Variants in CHD7 observed in about 807,000 individuals in gnomAD.
CHD7 encodes chromodomain helicase DNA binding protein 7, also known as ATP-dependent chromatin remodeler CHD7.
CHD7 carries 24 observed loss-of-function variants against 307.3 expected under a neutral mutation model. The ratio of observed to expected loss-of-function variants is 0.08; its 90% CI spans 0.06 to 0.11. The LOEUF (loss-of-function observed/expected upper bound fraction) is 0.11. Ranked by LOEUF, CHD7 falls within the 10% of genes least tolerant of loss-of-function variation. The pLI is 1.00. For missense variants in CHD7, 3,106 were observed against 3,727.1 expected, an observed-to-expected ratio of 0.83 and a Z score of 4.34; for synonymous variants, 1,363 against 1,349.9, an observed-to-expected ratio of 1.01 and a Z score of -0.21.
Position 60,865,231 on chromosome 8 carries a change from C to T in CHD7, c.8292C>T (p.Leu2764=). ...DLTSLQNLQN[L]QSLQLAGLMG... ...CGAGCCTTCAGAATCTCCAGAATCTCCAGTCGCTCCAGCTGGCAGGCCTCA... is the reference window on the plus strand; with the variant it reads ...CGAGCCTTCAGAATCTCCAGAATCTTCAGTCGCTCCAGCTGGCAGGCCTCA... The change falls in exon 38 of 38, where the codon CTC becomes CTT. Residue 2764 remains leucine, a synonymous_variant. Coordinates refer to ENST00000423902, the MANE Select transcript of CHD7 (RefSeq NM_017780.4). The surrounding 1 kb of genome is among the most constrained non-coding windows in gnomAD (Gnocchi z 4.3). 6.2e-7 allele frequency: 1 copy of T among 1,608,418 alleles called. No individual in the cohort carries two copies. Among genetic ancestry groups the T allele is most frequent in the Non-Finnish European group, 8.5e-7 (1 of 1,177,466 alleles).
At chr8:60,697,820 A>T (rs1366626823) in intron 1 of CHD7, among the ~76,000 whole-genome samples, 1 of 152,240 alleles carries the variant, frequency 6.6e-6, no homozygotes. Flanking sequence ...AGCTATGTAT[A>T]TCACTTTAAT....
chr8:60,697,134 A>G (rs1220711624), intron 1 of CHD7, among the ~76,000 whole-genome samples: 3 of 152,182 alleles, frequency 2.0e-5, no homozygotes, highest in Admixed American at 2.0e-4. Flanking sequence ...GATATTTGGG[A>G]GGTGGAAGAG....
intron 1 of CHD7, among the ~76,000 whole-genome samples, chr8:60,738,288 T>C (rs1461774857): frequency 6.6e-6 from 1 of 152,238 alleles, no homozygotes; most frequent in Non-Finnish European, 1.5e-5. Context: ...TTATATTGAT[T>C]ACCTGTTGAA....
chr8:60,850,126 C>T (rs927434310), intron 25 of CHD7, among the ~76,000 whole-genome samples: 4 of 152,188 alleles, frequency 2.6e-5, no homozygotes, highest in Non-Finnish European at 5.9e-5. Context: ...GGGGTGGACT[C>T]AGTGCACCCC....
At chr8:60,758,366 C>G (rs547759621) in intron 2 of CHD7, among the ~76,000 whole-genome samples, 1 of 152,100 alleles carries the variant, frequency 6.6e-6, no homozygotes, top group African/African-American at 2.4e-5. Flanking sequence ...TCAACTGATC[C>G]GCACCCCTTG....
At chr8:60,860,177 A>T (rs1369061480) in intron 34 of CHD7, among the ~76,000 whole-genome samples, 1 of 152,220 alleles carries the variant, frequency 6.6e-6, no homozygotes, top group African/African-American at 2.4e-5. Context: ...TTGTGCACAG[A>T]GTGCCCATAA....
chr8:60,698,310 CAGTT>C (rs1447053432), intron 1 of CHD7, among the ~76,000 whole-genome samples: 2 of 152,170 alleles, frequency 1.3e-5, no homozygotes, highest in African/African-American at 2.4e-5. Context: ...ATTTTTGCGT[CAGTT>C]AGGGTGAGGC....
At chr8:60,692,702 C>T (rs1806259856) in intron 1 of CHD7, among the ~76,000 whole-genome samples, 1 of 152,178 alleles carries the variant, frequency 6.6e-6, no homozygotes. Flanking sequence ...TACTGACCAC[C>T]CCTCTTCCTG....
intron 1 of CHD7, among the ~76,000 whole-genome samples, chr8:60,731,880 G>T (rs1808472100): frequency 1.3e-5 from 2 of 152,168 alleles, no homozygotes. Flanking sequence ...TATAATTCCT[G>T]TGTATTTCTT....
At chr8:60,814,685 G>C (rs1237118435) in intron 7 of CHD7, among the ~76,000 whole-genome samples, 1 of 152,194 alleles carries the variant, frequency 6.6e-6, no homozygotes, top group Non-Finnish European at 1.5e-5. Context: ...GGCCTCAGGT[G>C]ATCTGCCTGC....
intron 1 of CHD7, among the ~76,000 whole-genome samples, chr8:60,720,651 A>G (rs1353512004): frequency 6.6e-6 from 1 of 152,150 alleles, no homozygotes; most frequent in African/African-American, 2.4e-5. Flanking sequence ...CCGTTCTGGT[A>G]GAGAGAGAGT....
At chr8:60,682,809 A>G (rs1805697186) in intron 1 of CHD7, among the ~76,000 whole-genome samples, 1 of 152,252 alleles carries the variant, frequency 6.6e-6, no homozygotes, top group Non-Finnish European at 1.5e-5. Context: ...TGGCCATCTT[A>G]GAAACATCGA....
At position 60,742,965 on chromosome 8, in the gene CHD7, G is replaced by A; in HGVS notation, c.1533G>A (p.Leu511=). 1 of 1,613,424 alleles carries A rather than the reference G, an allele frequency of 6.2e-7. No individual in the cohort carries two copies. Among genetic ancestry groups the A allele is most frequent in the Non-Finnish European group, 8.5e-7 (1 of 1,179,632 alleles). Residue 511 remains leucine (L), a synonymous_variant, in exon 2 of 38, where the codon TTG becomes TTA. Coordinates refer to ENST00000423902, the MANE Select transcript of CHD7 (RefSeq NM_017780.4). The stretch of plus-strand genomic sequence containing the variant: ...GTCAACAGCCATCTTTTCAGCAGTT[G>A]CCAACCTGTCCTCCACTGCAGCCTC... ...HPGQQPSFQQ[L]PTCPPLQPHP... is the part of the protein sequence containing the mutation.
Position 60,687,493 on chromosome 8 carries a change from A to T in CHD7, c.-175+8411A>T, listed in dbSNP as rs563944995. 2.0e-5 allele frequency among the ~76,000 whole-genome samples: 3 copies of T among 152,340 alleles called. No homozygotes were observed. In the East Asian group the frequency reaches 5.8e-4, roughly 29 times the overall value. On this transcript the variant is annotated intron_variant, in intron 1 of 37. Transcript: ENST00000423902. The stretch of plus-strand genomic sequence containing the variant: ...TTGTGCTTGAAATTTTGCTTTCATT[A>T]ATCTCAAGTGTACCGATCTTGCAAG...
At chr8:60,749,453 A>G (rs1371457467) in intron 2 of CHD7, among the ~76,000 whole-genome samples, 2 of 151,924 alleles carry the variant, frequency 1.3e-5, no homozygotes, top group Non-Finnish European at 2.9e-5. Context: ...TTTATGGAAA[A>G]AGGTGGCTGT....
At chr8:60,791,620 A>G (rs1050490253) in intron 3 of CHD7, among the ~76,000 whole-genome samples, 97 of 152,184 alleles carry the variant, frequency 6.4e-4, no homozygotes, top group African/African-American at 2.1e-3. Context: ...GATATAAATG[A>G]TAACTATGCA....
chr8:60,794,948 T>G (rs1811945827), intron 3 of CHD7, 38 bp from the exon 4 acceptor site: 1 of 1,589,220 alleles, frequency 6.3e-7, no homozygotes, highest in Non-Finnish European at 8.6e-7. Context: ...CAGAAACACA[T>G]TAAAAGTGAA....
chr8:60,742,122 A>G lies in CHD7; in HGVS notation c.690A>G (p.Ser230=), dbSNP rs926628835. The G allele has an allele frequency of 3.7e-6, 6 of 1,613,872 alleles. No homozygotes were observed. Among genetic ancestry groups the G allele is most frequent in the East Asian group, 4.5e-5 (2 of 44,876 alleles). The change falls in exon 2 of 38, where the codon TCA becomes TCG. Residue 230 remains serine (S), a synonymous_variant. Transcript: ENST00000423902. The stretch of plus-strand genomic sequence containing the variant: ...AGGGAAATCCTTTTATTGCCACCTC[A>G]GGACCTGGCCACTTGTCCCACGTGC... ...LNQGNPFIAT[S]GPGHLSHVPQ... is the part of the protein sequence containing the mutation.
intron 31 of CHD7, among the ~76,000 whole-genome samples, 173 bp from the exon 32 acceptor site, chr8:60,854,190 G>GTTAA (rs764623278): frequency 6.6e-6 from 1 of 152,202 alleles, no homozygotes; most frequent in African/African-American, 2.4e-5. Flanking sequence ...CACCATCTAT[G>GTTAA]TTAAAGGGCT....
Sources: gnomAD v4.1 joint callset for allele counts (sites outside exome capture counted in the v4.1 genomes callset) on GRCh38, gnomAD v4.1.1 for gene constraint, Gnocchi (gnomAD v3.1) non-coding constraint, MANE v1.5 for transcripts, NCBI Gene and HGNC (gene_info 2026-07-23, HGNC 2026-07-21) for gene names.